CA8: variants seen among roughly 807,000 people sequenced by gnomAD.
CA8 encodes the protein carbonic anhydrase-related protein.
In CA8, 22 loss-of-function variants were observed where a neutral mutation model predicts 41.4. The ratio of observed to expected loss-of-function variants is 0.53; its 90% CI spans 0.38 to 0.76. The LOEUF is 0.76. CA8 is among the 30% of genes least tolerant of loss of function. CA8 has a pLI of 0.00. For missense variants in CA8, 270 were observed against 352.8 expected (o/e 0.77, Z 1.88); for synonymous variants, 121 against 130.6 (o/e 0.93, Z 0.50).
chr8:60,209,349 T>G (rs2130425440), intron 7 of CA8, among the ~76,000 whole-genome samples: 1 of 152,230 alleles, frequency 6.6e-6, no homozygotes, highest in East Asian at 1.9e-4. Flanking sequence ...CCAGGCTTGG[T>G]GGTGCACACC....
intron 2 of CA8, among the ~76,000 whole-genome samples, chr8:60,270,556 T>C (rs894360121): frequency 6.6e-6 from 1 of 152,090 alleles, no homozygotes; most frequent in Non-Finnish European, 1.5e-5. Context: ...GCAGAGATTA[T>C]AGGTGTGCAC....
chr8:60,192,937 GCACACACACACACACA>G (rs377257462), intron 8 of CA8, among the ~76,000 whole-genome samples: 1 of 140,666 alleles, frequency 7.1e-6, no homozygotes, highest in African/African-American at 2.7e-5. Context: ...TCAACATCAT[GCACACACACACACACA>G]CACACACACA....
At chr8:60,192,805 G>A (rs758790734) in intron 8 of CA8, among the ~76,000 whole-genome samples, 1 of 151,956 alleles carries the variant, frequency 6.6e-6, no homozygotes, top group Non-Finnish European at 1.5e-5. Flanking sequence ...AACTCTTTTA[G>A]CTGATTATTT....
chr8:60,279,760 T>C lies in CA8; in HGVS notation c.221A>G (p.Tyr74Cys). ...GACTTCACAGTCTCGGCACACCACA[T>C]AATTTGGGGAGAGGCGGACATCCAA... ...SLLDVRLSPNYVVCRDCEVTN... is the reference protein window; with the variant it reads ...SLLDVRLSPNCVVCRDCEVTN... Residue 74 changes from tyrosine to cysteine, a missense_variant, in exon 2 of 9, where the codon TAT becomes TGT. Tyr to Cys is a radical substitution (Grantham distance 194). This residue lies in a region of CA8 where 123 missense variants were observed against 136.8 expected (regional missense o/e 0.90). Coordinates refer to ENST00000317995, the MANE Select transcript of CA8 (RefSeq NM_004056.6). 6.2e-7 allele frequency: 1 copy of C among 1,614,154 alleles called. No homozygotes were observed. The highest frequency in any genetic ancestry group is 8.5e-7 in the Non-Finnish European group (1 of 1,180,022).
chr8:60,219,089 G>A (rs1412713628), intron 7 of CA8, among the ~76,000 whole-genome samples: 5 of 151,994 alleles, frequency 3.3e-5, no homozygotes, highest in Admixed American at 3.3e-4. Context: ...GGGACTGTAT[G>A]CTCCCATCCT....
At chr8:60,201,679 T>A (rs1806433309) in intron 8 of CA8, among the ~76,000 whole-genome samples, 1 of 152,188 alleles carries the variant, frequency 6.6e-6, no homozygotes, top group Non-Finnish European at 1.5e-5. Context: ...CAACCTGCAG[T>A]CATACTTTCA....
intron 8 of CA8, among the ~76,000 whole-genome samples, chr8:60,198,624 T>C (rs1432102121): frequency 6.6e-6 from 1 of 152,168 alleles, no homozygotes; most frequent in African/African-American, 2.4e-5. Flanking sequence ...TCTAATTACT[T>C]CTTAATTGAA....
chr8:60,247,486 A>G (rs1402792684), intron 3 of CA8, among the ~76,000 whole-genome samples: 1 of 152,132 alleles, frequency 6.6e-6, no homozygotes, highest in Admixed American at 6.5e-5. Context: ...ACTTCCACTT[A>G]TGAGTGAGAA....
intron 8 of CA8, among the ~76,000 whole-genome samples, chr8:60,195,370 C>A (rs903403783): frequency 2.0e-5 from 3 of 152,136 alleles, no homozygotes; most frequent in Non-Finnish European, 4.4e-5. Context: ...TGAAAAGCTA[C>A]CAAAAATTTA....
intron 3 of CA8, among the ~76,000 whole-genome samples, chr8:60,243,415 G>C (rs1808110099): frequency 6.9e-6 from 1 of 145,856 alleles, no homozygotes; most frequent in South Asian, 2.2e-4. Flanking sequence ...AATATGCATA[G>C]ATGTTTCTCC....
intron 3 of CA8, among the ~76,000 whole-genome samples, chr8:60,252,154 G>T (rs961970177): frequency 2.0e-5 from 3 of 152,078 alleles, no homozygotes; most frequent in Non-Finnish European, 4.4e-5. Flanking sequence ...GTGCACTGAT[G>T]GGATATGTAC....
chr8:60,253,970 TG>T, intron 3 of CA8, among the ~76,000 whole-genome samples: 1 of 152,328 alleles, frequency 6.6e-6, no homozygotes, highest in South Asian at 2.1e-4. Context: ...GAATGTGAAC[TG>T]TGGCCTAGAT....
Position 60,270,980 on chromosome 8 carries a change from C to T in CA8, c.293-4931G>A, listed in dbSNP as rs567647769. ...CAGGCCGGGCAAAGTGAAGCACATGCAAAATGATGCAGATGACAGGAACTA... is the reference window on the plus strand; with the variant it reads ...CAGGCCGGGCAAAGTGAAGCACATGTAAAATGATGCAGATGACAGGAACTA... On this transcript the variant is annotated intron_variant, in intron 2 of 8. Coordinates refer to ENST00000317995, the MANE Select transcript of CA8 (RefSeq NM_004056.6). Among the ~76,000 whole-genome samples the T allele has an allele frequency of 5.6e-4, 85 of 152,200 alleles. 1 individual carries two copies. Among genetic ancestry groups the T allele is most frequent in the African/African-American group, 2.0e-3 (85 of 41,510 alleles).
In CA8 at chr8:60,262,013, C is replaced by T. The variant is rs535315848; in HGVS notation, c.417+3912G>A. 2.6e-5 allele frequency among the ~76,000 whole-genome samples: 4 copies of T among 152,238 alleles called. No homozygotes were observed. In the East Asian group the frequency reaches 7.7e-4, roughly 29 times the overall value. On this transcript the variant is annotated intron_variant, in intron 3 of 8. Coordinates refer to ENST00000317995, the MANE Select transcript of CA8 (RefSeq NM_004056.6). ...GTGTGAGCCACTGTGCCCAGCCCCA[C>T]TTTTTTGTAAATTGCACTGATCCAG...
At chr8:60,280,256 CAT>C (rs1456568171) in intron 1 of CA8, among the ~76,000 whole-genome samples, 1 of 152,196 alleles carries the variant, frequency 6.6e-6, no homozygotes, top group Non-Finnish European at 1.5e-5. Context: ...TAACTTTCAA[CAT>C]ACTTAGTGAC....
chr8:60,213,240 T>C (rs919653561), intron 7 of CA8, among the ~76,000 whole-genome samples: 1 of 152,220 alleles, frequency 6.6e-6, no homozygotes, highest in Non-Finnish European at 1.5e-5. Context: ...ATTCACTCCC[T>C]GGTAACACCG....
intron 4 of CA8, among the ~76,000 whole-genome samples, chr8:60,228,614 C>T (rs927277109): frequency 6.6e-6 from 1 of 152,208 alleles, no homozygotes; most frequent in African/African-American, 2.4e-5. Flanking sequence ...TGTAGTTAAC[C>T]TCTACATCCT....
intron 3 of CA8, chr8:60,265,009 G>A (rs1292423538): frequency 6.6e-6 from 1 of 152,028 alleles, no homozygotes; most frequent in Non-Finnish European, 1.5e-5. Context: ...AAAAAGACTG[G>A]AAGACCAGCA....
At chr8:60,209,468 G>C (rs969433903) in intron 7 of CA8, among the ~76,000 whole-genome samples, 1 of 152,214 alleles carries the variant, frequency 6.6e-6, no homozygotes, top group Non-Finnish European at 1.5e-5. Flanking sequence ...CTGAGTGACA[G>C]AGCCAGACTC....
Sources: gnomAD v4.1 joint callset for allele counts (sites outside exome capture counted in the v4.1 genomes callset) on GRCh38, gnomAD v4.1.1 for gene constraint, gnomAD v4.1.1 regional missense constraint, MANE v1.5 for transcripts, NCBI Gene and HGNC (gene_info 2026-07-23, HGNC 2026-07-21) for gene names.